The following KDM4C variants were observed in gnomAD, a reference collection of about 807,000 sequenced individuals.
The protein encoded by KDM4C is lysine-specific demethylase 4C.
In KDM4C, 81 loss-of-function variants were observed where a neutral mutation model predicts 129.3. The observed-to-expected ratio is 0.63, with a 90% confidence interval of 0.52 to 0.75. The LOEUF is 0.75. Ranked by LOEUF, KDM4C falls within the 30% of genes least tolerant of loss-of-function variation. The probability of loss-of-function intolerance (pLI) is 0.00; values close to 1 mark genes in which losing one functional copy is unlikely to be tolerated. For missense variants in KDM4C, 1,457 were observed against 1,304.0 expected, an observed-to-expected ratio of 1.12 and a Z score of -1.81; for synonymous variants, 573 against 456.1, an observed-to-expected ratio of 1.26 and a Z score of -3.26.
chr9:6,922,820 C>G (rs897346442), intron 8 of KDM4C, among the ~76,000 whole-genome samples: 3 of 152,218 alleles, frequency 2.0e-5, no homozygotes, highest in African/African-American at 7.2e-5. Context: ...GTTTCTTTCA[C>G]TGTCACTAAT....
chr9:6,814,596 C>A, intron 3 of KDM4C, 35 bp from the exon 4 acceptor site: 1 of 1,331,208 alleles, frequency 7.5e-7, no homozygotes, highest in Non-Finnish European at 1.1e-6. Context: ...AACTGACTTA[C>A]TGGTTTGTAC....
intron 8 of KDM4C, among the ~76,000 whole-genome samples, chr9:6,913,278 G>A (rs1276585237): frequency 6.6e-6 from 1 of 151,952 alleles, no homozygotes; most frequent in Non-Finnish European, 1.5e-5. Flanking sequence ...TCATTAAAAT[G>A]TTTCCTAGTA....
intron 8 of KDM4C, among the ~76,000 whole-genome samples, chr9:6,946,110 T>C (rs1267599482): frequency 6.6e-6 from 1 of 152,132 alleles, no homozygotes; most frequent in African/African-American, 2.4e-5. Context: ...GTATTGCTTG[T>C]GTAATCAAGG....
At chr9:7,058,024 C>T (rs546261877) in intron 17 of KDM4C, among the ~76,000 whole-genome samples, 64 of 152,282 alleles carry the variant, frequency 4.2e-4, no homozygotes, top group African/African-American at 1.3e-3. Context: ...GACTATGACC[C>T]ATGAGTACTG....
At chr9:6,832,066 G>A (rs914030032) in intron 4 of KDM4C, among the ~76,000 whole-genome samples, 1 of 152,122 alleles carries the variant, frequency 6.6e-6, no homozygotes, top group African/African-American at 2.4e-5. Flanking sequence ...TCGGCTGGGT[G>A]CGGTGGTCAT....
intron 21 of KDM4C, chr9:7,171,048 C>G: frequency 6.6e-6 from 1 of 152,236 alleles, no homozygotes. Flanking sequence ...ACACGCTTGC[C>G]TTAAACGTTC....
intron 19 of KDM4C, among the ~76,000 whole-genome samples, chr9:7,129,272 G>T (rs181315163): frequency 2.0e-5 from 3 of 152,292 alleles, no homozygotes; most frequent in African/African-American, 7.2e-5. Context: ...TTGGTCTCCA[G>T]GTGTTGAAGA....
intron 3 of KDM4C, among the ~76,000 whole-genome samples, chr9:6,811,679 C>T (rs967761318): frequency 6.2e-4 from 94 of 152,190 alleles, no homozygotes; most frequent in African/African-American, 2.3e-3. Flanking sequence ...CTGATGGAGC[C>T]CTCACAACAA....
chr9:6,777,130 G>T (rs567570948), intron 1 of KDM4C, among the ~76,000 whole-genome samples: 1 of 152,268 alleles, frequency 6.6e-6, no homozygotes, highest in East Asian at 1.9e-4. Flanking sequence ...TGTCTAATCT[G>T]TATTGCTGTT....
chr9:7,039,039 AT>A (rs1828119798), intron 15 of KDM4C, among the ~76,000 whole-genome samples: 1 of 151,930 alleles, frequency 6.6e-6, no homozygotes, highest in Admixed American at 6.6e-5. Context: ...TGATTTTTAA[AT>A]TTTGATATGT....
At chr9:7,146,004 G>A (rs1337018115) in intron 19 of KDM4C, among the ~76,000 whole-genome samples, 1 of 152,234 alleles carries the variant, frequency 6.6e-6, no homozygotes, top group Non-Finnish European at 1.5e-5. Context: ...AAGCATGACG[G>A]CTCTTTGTTC....
At chr9:6,895,997 A>G (rs558185646) in intron 8 of KDM4C, among the ~76,000 whole-genome samples, 1 of 152,198 alleles carries the variant, frequency 6.6e-6, no homozygotes, top group South Asian at 2.1e-4. Flanking sequence ...CAGTTATTTG[A>G]CACATATTTT....
intron 8 of KDM4C, among the ~76,000 whole-genome samples, chr9:6,966,303 C>T (rs933614498): frequency 6.6e-6 from 1 of 152,110 alleles, no homozygotes; most frequent in East Asian, 1.9e-4. Flanking sequence ...CTGCCTCAGC[C>T]TCCTGAATAG....
At chr9:7,045,732 T>C (rs948455102) in intron 15 of KDM4C, among the ~76,000 whole-genome samples, 2 of 152,026 alleles carry the variant, frequency 1.3e-5, no homozygotes, top group African/African-American at 4.8e-5. Flanking sequence ...TACAGAGACT[T>C]TTCAGACACA....
chr9:6,977,381 C>G (rs139514196), intron 8 of KDM4C, among the ~76,000 whole-genome samples: 9 of 152,174 alleles, frequency 5.9e-5, no homozygotes, highest in Admixed American at 1.3e-4. Flanking sequence ...TTTATGTAAG[C>G]AAGAAATCAA....
At chr9:6,734,382 C>T (rs1817454133) in intron 1 of KDM4C, among the ~76,000 whole-genome samples, 1 of 150,294 alleles carries the variant, frequency 6.7e-6, no homozygotes, top group East Asian at 1.9e-4. Context: ...ACAACCTCTG[C>T]CTCCCGGGTT....
Position 7,136,666 on chromosome 9 carries a change from A to C in KDM4C, c.2781+8430A>C, listed in dbSNP as rs549765521. Reference sequence around the variant, plus strand: ...TATTCAAACCAGTAATATATTTTACATTTTATTGAGTTTTCTTATATTGAG... The same window carrying C: ...TATTCAAACCAGTAATATATTTTACCTTTTATTGAGTTTTCTTATATTGAG... On this transcript the variant is annotated intron_variant, in intron 19 of 21. Transcript: ENST00000381309. Among the ~76,000 whole-genome samples, 7 of 152,300 alleles carry C rather than the reference A, an allele frequency of 4.6e-5. No individual in the cohort carries two copies. In the South Asian group the frequency reaches 1.5e-3, roughly 32 times the overall value.
At chr9:7,118,991 C>T (rs976922916) in intron 18 of KDM4C, among the ~76,000 whole-genome samples, 1 of 152,102 alleles carries the variant, frequency 6.6e-6, no homozygotes, top group African/African-American at 2.4e-5. Context: ...TGTGCTCTTG[C>T]CCTAGAGATT....
intron 12 of KDM4C, among the ~76,000 whole-genome samples, chr9:7,002,017 C>T (rs889567361): frequency 7.2e-5 from 11 of 152,060 alleles, no homozygotes; most frequent in South Asian, 2.1e-4. Flanking sequence ...CTTAGCCTCC[C>T]GAGTATCTAG....
Sources: allele counts gnomAD v4.1 joint callset (sites outside exome capture counted in the v4.1 genomes callset), GRCh38; gene constraint gnomAD v4.1.1; transcripts MANE v1.5; gene names NCBI Gene and HGNC (gene_info 2026-07-23, HGNC 2026-07-21).